RABGAP1L: variants seen among roughly 807,000 people sequenced by gnomAD.
RABGAP1L encodes rab GTPase-activating protein 1-like.
Under a neutral mutation model 137.7 loss-of-function variants are expected in RABGAP1L, and 63 were observed. That is an observed-to-expected ratio of 0.46 (90% CI 0.37 to 0.56). RABGAP1L has a LOEUF of 0.56. Among genes scored for constraint, RABGAP1L ranks in the 20% least tolerant of loss-of-function variants. The probability of loss-of-function intolerance (pLI) is 0.00; values close to 1 mark genes in which losing one functional copy is unlikely to be tolerated. For missense variants in RABGAP1L, 1,095 were observed against 1,244.0 expected, an observed-to-expected ratio of 0.88 and a Z score of 1.80; for synonymous variants, 431 against 433.7, an observed-to-expected ratio of 0.99 and a Z score of 0.08.
chr1:174,893,472 C>T (rs916435155), intron 19 of RABGAP1L, among the ~76,000 whole-genome samples: 9 of 152,104 alleles, frequency 5.9e-5, no homozygotes, highest in African/African-American at 2.2e-4. Flanking sequence ...TCTTGTGATT[C>T]CTCCTAGGAA....
chr1:174,839,230 A>G (rs1693124403), intron 19 of RABGAP1L, among the ~76,000 whole-genome samples: 1 of 152,144 alleles, frequency 6.6e-6, no homozygotes, highest in Non-Finnish European at 1.5e-5. Context: ...AGACCTGGTT[A>G]AACTACTTTC....
intron 18 of RABGAP1L, among the ~76,000 whole-genome samples, chr1:174,772,567 CAAAA>C (rs60690186): frequency 1.0e-3 from 55 of 53,058 alleles, no homozygotes; most frequent in African/African-American, 4.0e-3. Context: ...GACTCCATCT[CAAAA>C]AAAAAAAAAA....
intron 13 of RABGAP1L, among the ~76,000 whole-genome samples, chr1:174,529,472 C>T (rs558392780): frequency 1.3e-5 from 2 of 152,128 alleles, no homozygotes; most frequent in African/African-American, 4.8e-5. Flanking sequence ...GGAGGTTGTG[C>T]TGGAGTTTTT....
intron 19 of RABGAP1L, among the ~76,000 whole-genome samples, chr1:174,816,812 A>C (rs1690467745): frequency 1.3e-5 from 2 of 151,304 alleles, no homozygotes; most frequent in African/African-American, 4.9e-5. Context: ...GCCTCCTGCA[A>C]CCTTCGCCTC....
intron 13 of RABGAP1L, among the ~76,000 whole-genome samples, chr1:174,612,477 T>G (rs1415263928): frequency 6.6e-6 from 1 of 152,216 alleles, no homozygotes; most frequent in Admixed American, 6.5e-5. Context: ...ATTCAGGATT[T>G]TTGCATCAAT....
chr1:174,429,797 A>G (rs959232322), intron 13 of RABGAP1L, among the ~76,000 whole-genome samples: 23 of 152,184 alleles, frequency 1.5e-4, no homozygotes, highest in African/African-American at 5.5e-4. Flanking sequence ...GGGGAAACAA[A>G]GGAGACACAT....
Position 174,850,024 on chromosome 1 carries a change from C to G in RABGAP1L, c.2340+38064C>G, listed in dbSNP as rs188137427. 8.9e-5 allele frequency: 56 copies of G among 627,854 alleles called. No homozygotes were observed. In the African/African-American group the frequency reaches 9.2e-4, roughly 10 times the overall value. The allele number at this position is 627,854 out of a possible 1,614,324, so 38.9% of individuals were successfully genotyped here. ...TTATGAGCAATCTCTCCCTTAATTTCTGGATAGAAACTAATCTGCTCTTGC... is the reference window on the plus strand; with the variant it reads ...TTATGAGCAATCTCTCCCTTAATTTGTGGATAGAAACTAATCTGCTCTTGC... On this transcript the variant is annotated intron_variant, in intron 19 of 25. Transcript: ENST00000681986.
At chr1:174,579,126 A>C (rs1159238603) in intron 13 of RABGAP1L, among the ~76,000 whole-genome samples, 1 of 152,138 alleles carries the variant, frequency 6.6e-6, no homozygotes, top group Admixed American at 6.6e-5. Flanking sequence ...ACACATTTGC[A>C]TAGTTATATT....
chr1:174,921,616 C>G (rs1661822961), intron 19 of RABGAP1L, among the ~76,000 whole-genome samples: 1 of 152,136 alleles, frequency 6.6e-6, no homozygotes, highest in Non-Finnish European at 1.5e-5. Context: ...ACAATTGTTT[C>G]AAAGTAATCC....
intron 19 of RABGAP1L, among the ~76,000 whole-genome samples, chr1:174,873,537 G>T (rs1652548678): frequency 7.1e-6 from 1 of 141,060 alleles, no homozygotes. Context: ...TTCCGAGATG[G>T]AATTCTCCCT....
Position 174,674,489 on chromosome 1 carries a change from A to G in RABGAP1L, c.1825-9033A>G, listed in dbSNP as rs868757299. On this transcript the variant is annotated intron_variant, in intron 14 of 25. Coordinates refer to ENST00000681986, the MANE Select transcript of RABGAP1L (RefSeq NM_001366446.1). ...CATTTTCTTAATCCAGTCTATCATT[A>G]TTGGACATTTGGGTTGGTTCCAAGT... is the stretch of plus-strand genomic sequence containing the variant. Among the ~76,000 whole-genome samples, 815 of 147,314 alleles carry G rather than the reference A, an allele frequency of 5.5e-3. 4 individuals are homozygous for G. Among genetic ancestry groups the G allele is most frequent in the Middle Eastern group, 0.041 (11 of 268 alleles).
Position 174,374,038 on chromosome 1 carries a change from G to C in RABGAP1L, c.1559+2966G>C, listed in dbSNP as rs73038662. Among the ~76,000 whole-genome samples, 798 of 152,290 alleles carry C rather than the reference G, an allele frequency of 5.2e-3. 9 individuals are homozygous for C. The highest frequency in any genetic ancestry group is 0.018 in the African/African-American group (757 of 41,560). On this transcript the variant is annotated intron_variant, in intron 12 of 25. Coordinates refer to ENST00000681986, the MANE Select transcript of RABGAP1L (RefSeq NM_001366446.1). ...AGGAGCACTGATAAGAAAAAAAACA[G>C]CACCAACAACTTGTCCTAATCTTCT... is the stretch of plus-strand genomic sequence containing the variant.
At chr1:174,645,477 G>T (rs922575862) in intron 14 of RABGAP1L, among the ~76,000 whole-genome samples, 1 of 149,034 alleles carries the variant, frequency 6.7e-6, no homozygotes, top group African/African-American at 2.5e-5. Context: ...TTATGAATGA[G>T]AACATGTGGT....
intron 14 of RABGAP1L, among the ~76,000 whole-genome samples, chr1:174,662,203 A>G (rs1189272115): frequency 7.1e-6 from 1 of 140,062 alleles, no homozygotes; most frequent in Non-Finnish European, 1.5e-5. Context: ...TCCTGGGTTC[A>G]TGCAATTTTC....
chr1:174,985,380 G>A (rs1278241222), intron 24 of RABGAP1L, among the ~76,000 whole-genome samples: 4 of 152,194 alleles, frequency 2.6e-5, no homozygotes, highest in South Asian at 2.1e-4. Context: ...GTGACAGTAA[G>A]AGCCTGGTAC....
At chr1:174,199,127 T>C (rs973201454) in intron 1 of RABGAP1L, among the ~76,000 whole-genome samples, 1 of 152,014 alleles carries the variant, frequency 6.6e-6, no homozygotes, top group African/African-American at 2.4e-5. Context: ...AAAAAGTTCT[T>C]ATTACTGAGG....
chr1:174,492,868 C>G (rs1265297741), intron 13 of RABGAP1L, among the ~76,000 whole-genome samples: 1 of 151,982 alleles, frequency 6.6e-6, no homozygotes. Context: ...GCCTTTCCTT[C>G]CCCTCTTCCA....
intron 14 of RABGAP1L, among the ~76,000 whole-genome samples, chr1:174,655,971 T>A (rs1675937257): frequency 6.6e-6 from 1 of 152,198 alleles, no homozygotes; most frequent in South Asian, 2.1e-4. Context: ...GTCAAAATAT[T>A]AAGAAACCAA....
chr1:174,516,444 C>T (rs1662862464), intron 13 of RABGAP1L, among the ~76,000 whole-genome samples: 1 of 152,132 alleles, frequency 6.6e-6, no homozygotes, highest in African/African-American at 2.4e-5. Flanking sequence ...GTCTTGAACT[C>T]ATGGCTTCAA....
Sources: allele counts gnomAD v4.1 joint callset (sites outside exome capture counted in the v4.1 genomes callset), GRCh38; gene constraint gnomAD v4.1.1; transcripts MANE v1.5; gene names NCBI Gene and HGNC (gene_info 2026-07-23, HGNC 2026-07-21).